Variants in SEC24A observed in about 807,000 individuals in gnomAD.
SEC24A encodes the protein protein transport protein Sec24A.
In SEC24A, 93 loss-of-function variants were observed where a neutral mutation model predicts 129.4. That is an observed-to-expected ratio of 0.72 (90% CI 0.61 to 0.85). SEC24A has a LOEUF of 0.85. Ranked by LOEUF, SEC24A falls within the 40% of genes least tolerant of loss-of-function variation. The probability of loss-of-function intolerance (pLI) is 0.00; values close to 1 mark genes in which losing one functional copy is unlikely to be tolerated. For synonymous variants in SEC24A, 460 were observed against 467.3 expected, an observed-to-expected ratio of 0.98 and a Z score of 0.20; for missense variants, 1,264 against 1,307.4, an observed-to-expected ratio of 0.97 and a Z score of 0.51.
intron 22 of SEC24A, among the ~76,000 whole-genome samples, 185 bp downstream of exon 22, chr5:134,723,855 A>G (rs1752688922): frequency 6.6e-6 from 1 of 152,210 alleles, no homozygotes; most frequent in Non-Finnish European, 1.5e-5. Flanking sequence ...GACTAATAAT[A>G]AGTGTATATA....
chr5:134,701,110 G>T (rs907112367), intron 15 of SEC24A: 2 of 152,178 alleles, frequency 1.3e-5, no homozygotes, highest in Admixed American at 1.3e-4. Flanking sequence ...GCCTCCCAAA[G>T]TGCTGGGATT....
At chr5:134,699,301 C>CGTTTTTT (rs1429369613) in intron 15 of SEC24A, among the ~76,000 whole-genome samples, 3 of 138,372 alleles carry the variant, frequency 2.2e-5, no homozygotes, top group South Asian at 2.2e-4. Context: ...CCATTTTATC[C>CGTTTTTT]TTTTTTTTTT....
At chr5:134,695,398 G>C (rs1276688371) in intron 13 of SEC24A, among the ~76,000 whole-genome samples, 1 of 151,954 alleles carries the variant, frequency 6.6e-6, no homozygotes, top group Non-Finnish European at 1.5e-5. Context: ...ATGCCTGTAA[G>C]ACCAGTGCTT....
chr5:134,670,544 G>A (rs919557736), intron 3 of SEC24A, among the ~76,000 whole-genome samples: 5 of 152,168 alleles, frequency 3.3e-5, no homozygotes, highest in Non-Finnish European at 7.3e-5. Context: ...AGATGTCCCT[G>A]GCATTTGTCT....
chr5:134,700,209 T>C (rs1054725603), intron 15 of SEC24A, among the ~76,000 whole-genome samples: 2 of 151,924 alleles, frequency 1.3e-5, no homozygotes, highest in Non-Finnish European at 2.9e-5. Flanking sequence ...GTAATTTTCT[T>C]TCTTCTTCTC....
At chr5:134,654,068 A>G (rs1350905135) in intron 1 of SEC24A, among the ~76,000 whole-genome samples, 1 of 151,724 alleles carries the variant, frequency 6.6e-6, no homozygotes, top group Non-Finnish European at 1.5e-5. Context: ...CTGAGGTAGG[A>G]GGATCACCTG....
chr5:134,649,621 T>C (rs375384317), intron 1 of SEC24A, among the ~76,000 whole-genome samples: 3 of 152,228 alleles, frequency 2.0e-5, no homozygotes, highest in African/African-American at 7.2e-5. Context: ...TGCATGCTTT[T>C]GGGACACCCC....
intron 12 of SEC24A, chr5:134,692,968 G>C (rs1561820681): frequency 7.5e-7 from 1 of 1,336,716 alleles, no homozygotes; most frequent in African/African-American, 1.4e-5. Context: ...AAAGCTTCTG[G>C]TCACTACATA....
intron 11 of SEC24A, among the ~76,000 whole-genome samples, chr5:134,692,113 G>A (rs1334693644): frequency 7.0e-6 from 1 of 142,218 alleles, no homozygotes. Context: ...GCCTGGGAGT[G>A]CAGTGGTGCA....
Position 134,721,031 on chromosome 5 carries a change from C to G in SEC24A, c.3004C>G (p.Gln1002Glu), listed in dbSNP as rs1752613160. Residue 1002 changes from glutamine (Q) to glutamate (E), a missense_variant, in exon 21 of 23, where the codon CAG becomes GAG. Transcript: ENST00000398844. ...GCTTTGGGTTGGAAAAAATTGTACA[C>G]AGAATTTTCTCAGCCAAGTTCTAGG... ...LMLWVGKNCT[Q>E]NFLSQVLGVQ... 1 of 1,612,674 alleles carries G rather than the reference C, an allele frequency of 6.2e-7. No individual in the cohort carries two copies. The highest frequency in any genetic ancestry group is 1.7e-5 in the Admixed American group (1 of 59,958).
At chr5:134,655,727 T>C (rs1561799553) in intron 1 of SEC24A, among the ~76,000 whole-genome samples, 2 of 152,028 alleles carry the variant, frequency 1.3e-5, no homozygotes, top group African/African-American at 2.4e-5. Flanking sequence ...AATAGAAAAA[T>C]ATTTTTCAGT....
intron 4 of SEC24A, among the ~76,000 whole-genome samples, chr5:134,672,267 A>C (rs888178824): frequency 6.6e-6 from 1 of 152,104 alleles, no homozygotes; most frequent in African/African-American, 2.4e-5. Context: ...GGTTCACTGC[A>C]GCCTCTGCCT....
intron 7 of SEC24A, among the ~76,000 whole-genome samples, chr5:134,678,747 A>G (rs1179499659): frequency 6.6e-6 from 1 of 151,986 alleles, no homozygotes; most frequent in Admixed American, 6.6e-5. Flanking sequence ...ACGCCTAGCT[A>G]ATTTTTGTAT....
intron 4 of SEC24A, among the ~76,000 whole-genome samples, chr5:134,672,750 T>C (rs1750911492): frequency 6.6e-6 from 1 of 152,112 alleles, no homozygotes; most frequent in Admixed American, 6.6e-5. Flanking sequence ...TTAGGATTTT[T>C]TTTTTTTGAG....
intron 1 of SEC24A, among the ~76,000 whole-genome samples, chr5:134,654,272 G>A (rs1310715261): frequency 2.6e-5 from 4 of 151,870 alleles, no homozygotes; most frequent in Non-Finnish European, 5.9e-5. Context: ...CCAGGCTGGA[G>A]TGCAGTGGTG....
rs1752760644 is a variant in SEC24A at position 134,726,501 on chromosome 5, A to G, written c.*1407A>G. The G allele has an allele frequency of 6.6e-6, 1 of 152,590 alleles. No homozygotes were observed. Among genetic ancestry groups the G allele is most frequent in the South Asian group, 2.1e-4 (1 of 4,836 alleles). 9.5% of individuals were successfully genotyped at this position (152,590 alleles called of 1,614,324 possible). On this transcript the variant is annotated 3_prime_UTR_variant, in exon 23 of 23. Coordinates refer to ENST00000398844, the MANE Select transcript of SEC24A (RefSeq NM_021982.3). ...TCCAGGTTTATATCAATATGAGCTG[A>G]CTTTAACTGAGTTGTTTGGGATAGG...
At chr5:134,709,433 A>G (rs1752257504) in intron 18 of SEC24A, among the ~76,000 whole-genome samples, 2 of 152,190 alleles carry the variant, frequency 1.3e-5, no homozygotes, top group Admixed American at 1.3e-4. Context: ...TCTCTAAGCA[A>G]AGTATTCAGT....
chr5:134,673,683 T>G (rs901878026), intron 4 of SEC24A, among the ~76,000 whole-genome samples: 2 of 150,438 alleles, frequency 1.3e-5, no homozygotes, highest in Admixed American at 1.3e-4. Context: ...GGTCTCCAAC[T>G]CCTGACCTCA....
At chr5:134,686,120 T>C (rs911397804) in intron 9 of SEC24A, among the ~76,000 whole-genome samples, 3 of 152,166 alleles carry the variant, frequency 2.0e-5, no homozygotes, top group Non-Finnish European at 4.4e-5. Context: ...CCAACAAACA[T>C]ATTGAAAAAT....
Sources: allele counts gnomAD v4.1 joint callset (sites outside exome capture counted in the v4.1 genomes callset), GRCh38; gene constraint gnomAD v4.1.1; transcripts MANE v1.5; gene names NCBI Gene and HGNC (gene_info 2026-07-23, HGNC 2026-07-21).